FGF12: variants seen among roughly 807,000 people sequenced by gnomAD.
FGF12 encodes the protein fibroblast growth factor 12, also known as fibroblast growth factor 12B.
FGF12 carries 14 observed loss-of-function variants against 23.6 expected under a neutral mutation model. That is an observed-to-expected ratio of 0.59 (90% CI 0.39 to 0.93). FGF12 has a LOEUF of 0.93. Among genes scored for constraint, FGF12 ranks in the 40% least tolerant of loss-of-function variants. The probability of loss-of-function intolerance (pLI) is 0.00; values close to 1 mark genes in which losing one functional copy is unlikely to be tolerated. For synonymous variants in FGF12, 62 were observed against 77.3 expected (o/e 0.80, Z 1.04); for missense variants, 175 against 217.8 (o/e 0.80, Z 1.24).
rs1486425733 is a variant in FGF12, at chr3:192,409,746, T to C, written c.14-49208A>G. ...GCGCAGGCGGGGCCCCTAGGCCTCC[T>C]GGGGCTACCTCGCGAGGCAGCCGAG... On this transcript the variant is annotated intron_variant, in intron 2 of 5. Transcript: ENST00000445105. The surrounding 1 kb of genome is among the most constrained non-coding windows in gnomAD (Gnocchi z 4.8). Among the ~76,000 whole-genome samples the C allele has an allele frequency of 2.0e-5, 3 of 152,022 alleles. No individual in the cohort carries two copies. Among genetic ancestry groups the C allele is most frequent in the African/African-American group, 7.2e-5 (3 of 41,416 alleles).
chr3:192,269,487 A>G (rs1383445053), intron 4 of FGF12, among the ~76,000 whole-genome samples: 1 of 152,144 alleles, frequency 6.6e-6, no homozygotes, highest in Non-Finnish European at 1.5e-5. Context: ...CAGCCCTGCA[A>G]TCTTGCTCAG....
Position 192,409,759 on chromosome 3 carries a change from C to G in FGF12, c.14-49221G>C, listed in dbSNP as rs974738093. 1.3e-5 allele frequency among the ~76,000 whole-genome samples: 2 copies of G among 152,082 alleles called. No individual in the cohort carries two copies. Among genetic ancestry groups the G allele is most frequent in the African/African-American group, 2.4e-5 (1 of 41,440 alleles). On this transcript the variant is annotated intron_variant, in intron 2 of 5. Transcript: ENST00000445105. The surrounding 1 kb of genome is among the most constrained non-coding windows in gnomAD (Gnocchi z 4.8). ...CCCTAGGCCTCCTGGGGCTACCTCG[C>G]GAGGCAGCCGAGGGCGCAACCCGGG...
intron 2 of FGF12, among the ~76,000 whole-genome samples, chr3:192,615,768 C>T (rs987850208): frequency 2.0e-5 from 3 of 151,946 alleles, no homozygotes; most frequent in Non-Finnish European, 2.9e-5. Context: ...TATTCTTGTG[C>T]TGCTTTGTTA....
intron 4 of FGF12, among the ~76,000 whole-genome samples, chr3:192,208,558 AG>A (rs749770716): frequency 2.0e-5 from 3 of 152,232 alleles, no homozygotes; most frequent in Non-Finnish European, 4.4e-5. Flanking sequence ...AAATTATAAA[AG>A]AAAAACTATT....
chr3:192,432,462 A>G (rs1168300619), intron 2 of FGF12, among the ~76,000 whole-genome samples: 1 of 152,086 alleles, frequency 6.6e-6, no homozygotes, highest in Admixed American at 6.6e-5. Flanking sequence ...ATGATGAGAT[A>G]TCACTCTCTG....
In FGF12 at chr3:192,550,819, A is replaced by G. The variant is rs576692957; in HGVS notation, c.13+176362T>C. Among the ~76,000 whole-genome samples the G allele has an allele frequency of 2.6e-5, 4 of 152,348 alleles. No individual in the cohort carries two copies. In the South Asian group the frequency reaches 8.3e-4, roughly 32 times the overall value. ...AAGGTTTTGTAGAAGACTTAAAATG[A>G]AATTTTAAAAATACTTTAAAATACT... On this transcript the variant is annotated intron_variant, in intron 2 of 5. Transcript: ENST00000445105.
chr3:192,212,720 A>G (rs182698874), intron 4 of FGF12, among the ~76,000 whole-genome samples: 20 of 150,270 alleles, frequency 1.3e-4, no homozygotes, highest in East Asian at 7.8e-4. Flanking sequence ...AATGTGCCTC[A>G]TTTTGTGGCA....
chr3:192,630,238 C>T (rs889097476), intron 2 of FGF12, among the ~76,000 whole-genome samples: 7 of 152,164 alleles, frequency 4.6e-5, no homozygotes, highest in African/African-American at 1.7e-4. Context: ...AGAAGCCAAG[C>T]AGATGCCAAC....
chr3:192,601,892 A>G (rs1207495010), intron 2 of FGF12, among the ~76,000 whole-genome samples: 5 of 151,976 alleles, frequency 3.3e-5, no homozygotes, highest in African/African-American at 1.2e-4. Flanking sequence ...AAGTCTGTAC[A>G]TATTCAGTAT....
intron 4 of FGF12, among the ~76,000 whole-genome samples, chr3:192,226,545 C>T (rs1292996361): frequency 6.6e-6 from 1 of 152,122 alleles, no homozygotes; most frequent in Non-Finnish European, 1.5e-5. Flanking sequence ...TACACACATA[C>T]TGCTATGGTC....
intron 2 of FGF12, among the ~76,000 whole-genome samples, chr3:192,447,520 C>A (rs1722390344): frequency 6.6e-6 from 1 of 152,118 alleles, no homozygotes; most frequent in Non-Finnish European, 1.5e-5. Context: ...ACATTTGATG[C>A]ATTTTTTTCT....
At chr3:192,476,596 C>T (rs1422114298) in intron 2 of FGF12, among the ~76,000 whole-genome samples, 1 of 152,170 alleles carries the variant, frequency 6.6e-6, no homozygotes, top group Non-Finnish European at 1.5e-5. Context: ...CATGGAATTA[C>T]CTCCACAAAT....
At chr3:192,574,660 T>C (rs1002072509) in intron 2 of FGF12, among the ~76,000 whole-genome samples, 1 of 152,190 alleles carries the variant, frequency 6.6e-6, no homozygotes, top group Non-Finnish European at 1.5e-5. Flanking sequence ...ATGCTTAGCC[T>C]AAAATTTAAG....
intron 4 of FGF12, among the ~76,000 whole-genome samples, chr3:192,258,571 TAA>T (rs1712552960): frequency 6.6e-6 from 1 of 152,198 alleles, no homozygotes; most frequent in East Asian, 1.9e-4. Flanking sequence ...TCATTTTCTT[TAA>T]AATTGGAGAA....
At chr3:192,322,802 A>T (rs532743175) in intron 4 of FGF12, among the ~76,000 whole-genome samples, 1 of 152,334 alleles carries the variant, frequency 6.6e-6, no homozygotes, top group Admixed American at 6.5e-5. Context: ...CACATGCAGA[A>T]AAATGAAACT....
rs111672806 is a variant in FGF12 at position 192,475,937 on chromosome 3, T to TGATAGATAGATA, written c.14-115411_14-115400dup. Among the ~76,000 whole-genome samples, 519 of 151,992 alleles carry TGATAGATAGATA rather than the reference T, an allele frequency of 3.4e-3. 2 individuals are homozygous for TGATAGATAGATA. Among genetic ancestry groups the TGATAGATAGATA allele is most frequent in the African/African-American group, 0.012 (495 of 41,342 alleles). On this transcript the variant is annotated intron_variant, in intron 2 of 5. Transcript: ENST00000445105. ...ATAGATGATAGATGATATAGATAGATGATAGATAGATAGATAGATAATGAT... is the reference window on the plus strand; with the variant it reads ...ATAGATGATAGATGATATAGATAGATGATAGATAGATAGATAGATAGATAGATAGATAATGAT...
chr3:192,360,695 C>CT lies in FGF12; in HGVS notation c.14-158dup, dbSNP rs762691841. 3,010 of 526,744 alleles carry CT rather than the reference C, an allele frequency of 5.7e-3. No individual in the cohort carries two copies. The highest frequency in any genetic ancestry group is 9.1e-3 in the South Asian group (378 of 41,374). 32.6% of individuals were successfully genotyped at this position (526,744 alleles called of 1,614,324 possible). A position where few individuals can be genotyped will look rare whatever the true frequency, so the allele number is the denominator to read the frequency against. On this transcript the variant is annotated intron_variant, in intron 2 of 5. Transcript: ENST00000445105. This position sits in a 1 kb window ranked among gnomAD's most constrained non-coding sequence, Gnocchi z 4.3. ...TGGGTGTTTCAGTAACATATCTATG[C>CT]TTTTTTTTTTCCATTTAGAGGTAGA...
At chr3:192,721,711 A>C (rs1418337366) in intron 2 of FGF12, among the ~76,000 whole-genome samples, 1 of 152,200 alleles carries the variant, frequency 6.6e-6, no homozygotes, top group Admixed American at 6.5e-5. Context: ...AACAAGCCTC[A>C]TAATAACCTA....
At chr3:192,270,616 C>T (rs1168972511) in intron 4 of FGF12, among the ~76,000 whole-genome samples, 4 of 152,168 alleles carry the variant, frequency 2.6e-5, no homozygotes, top group South Asian at 2.1e-4. Flanking sequence ...GTATCTTATA[C>T]GTTATGTATC....
Sources: allele counts gnomAD v4.1 joint callset (sites outside exome capture counted in the v4.1 genomes callset), GRCh38; gene constraint gnomAD v4.1.1; non-coding constraint Gnocchi (gnomAD v3.1); transcripts MANE v1.5; gene names NCBI Gene and HGNC (gene_info 2026-07-23, HGNC 2026-07-21).